CELF2: variants seen among roughly 807,000 people sequenced by gnomAD.
CELF2 encodes CUGBP Elav-like family member 2, also known as CUG triplet repeat RNA-binding protein 2.
CELF2 carries 8 observed loss-of-function variants against 62.6 expected under a neutral mutation model. The observed-to-expected ratio is 0.13, with a 90% CI of 0.07 to 0.23. The LOEUF (loss-of-function observed/expected upper bound fraction) is 0.23. Ranked by LOEUF, CELF2 falls within the 10% of genes least tolerant of loss-of-function variation. The pLI, the probability that CELF2 is intolerant of heterozygous loss-of-function variation, is 1.00. For synonymous variants in CELF2, 258 were observed against 250.0 expected (o/e 1.03, Z -0.30); for missense variants, 333 against 671.0 (o/e 0.50, Z 5.56).
the CELF2 span, among the ~76,000 whole-genome samples, chr10:10,590,161 G>GCACA: frequency 6.7e-6 from 1 of 150,054 alleles, no homozygotes; most frequent in Non-Finnish European, 1.5e-5. Context: ...ACATGTGCAT[G>GCACA]CACACACACA....
At chr10:10,549,880 C>T in the CELF2 span, among the ~76,000 whole-genome samples, 1 of 152,160 alleles carries the variant, frequency 6.6e-6, no homozygotes, top group Non-Finnish European at 1.5e-5. Context: ...TCTGAGATGA[C>T]TATTTGCATG....
chr10:10,514,109 A>G, the CELF2 span, among the ~76,000 whole-genome samples: 10,225 of 152,284 alleles, frequency 0.067, 572 homozygotes, highest in African/African-American at 0.15. Flanking sequence ...TGCTAAGCAC[A>G]CAGAACTCCT....
intron 9 of CELF2, among the ~76,000 whole-genome samples, chr10:11,295,511 TCTCTC>T (rs1178408056): frequency 4.6e-5 from 7 of 152,232 alleles, no homozygotes; most frequent in Admixed American, 4.6e-4. Flanking sequence ...GAAGCTCTCT[TCTCTC>T]CTTTCTTCCT....
intron 1 of CELF2, among the ~76,000 whole-genome samples, chr10:11,144,243 A>AG (rs2132374084): frequency 6.6e-6 from 1 of 152,168 alleles, no homozygotes; most frequent in African/African-American, 2.4e-5. Context: ...GTGAGTAAGA[A>AG]GGAAAAAAAA....
chr10:10,978,648 G>A (rs1439746978), intron 2 of CELF2, among the ~76,000 whole-genome samples: 1 of 152,116 alleles, frequency 6.6e-6, no homozygotes, highest in African/African-American at 2.4e-5. Context: ...TATTATAGGG[G>A]ACACTGAAGC....
intron 1 of CELF2, among the ~76,000 whole-genome samples, chr10:10,895,939 C>T (rs2062520912): frequency 6.6e-6 from 1 of 152,046 alleles, no homozygotes; most frequent in South Asian, 2.1e-4. Flanking sequence ...AAGAAGGAGG[C>T]TGGTAGACTC....
rs1350552196 is a variant in CELF2, at chr10:11,285,304, T to C, written c.842-3114T>C. Among the ~76,000 whole-genome samples the C allele has an allele frequency of 6.6e-6, 1 of 152,158 alleles. No individual in the cohort carries two copies. The highest frequency in any genetic ancestry group is 1.5e-5 in the Non-Finnish European group (1 of 68,010). ...TCTTCATCTCAGCTTCCTTGACTCA[T>C]AGTTTTTCCTTTCCTTGCAGTCTGG... On this transcript the variant is annotated intron_variant, in intron 8 of 12. Coordinates refer to ENST00000633077, the MANE Select transcript of CELF2 (RefSeq NM_001326342.2). This position sits in a 1 kb window ranked among gnomAD's most constrained non-coding sequence, Gnocchi z 4.3.
the CELF2 span, among the ~76,000 whole-genome samples, chr10:10,576,454 C>T: frequency 6.6e-6 from 1 of 151,976 alleles, no homozygotes; most frequent in Non-Finnish European, 1.5e-5. Context: ...ATGCTTCTAA[C>T]GTATTAGTTA....
At chr10:11,228,352 A>C (rs1051035002) in intron 3 of CELF2, among the ~76,000 whole-genome samples, 2 of 152,214 alleles carry the variant, frequency 1.3e-5, no homozygotes, top group Middle Eastern at 3.2e-3. Flanking sequence ...ATAAGGTAGT[A>C]ATTTGTCTTC....
intron 2 of CELF2, chr10:10,945,888 T>C (rs1246169649): frequency 6.6e-6 from 1 of 152,620 alleles, no homozygotes; most frequent in Middle Eastern, 3.4e-3. Flanking sequence ...CCTCAAACAA[T>C]ATGTTTCCAC....
chr10:10,698,713 T>C, the CELF2 span, among the ~76,000 whole-genome samples: 3 of 152,200 alleles, frequency 2.0e-5, no homozygotes, highest in Admixed American at 6.5e-5. Context: ...AGACTTCTCA[T>C]AGCGGTCATC....
chr10:11,023,977 A>G (rs1332522681), intron 1 of CELF2, among the ~76,000 whole-genome samples: 4 of 152,240 alleles, frequency 2.6e-5, no homozygotes, highest in African/African-American at 9.6e-5. Context: ...TATTTACTCC[A>G]TTTGAGTGAA....
chr10:11,326,711 C>G lies in CELF2; in HGVS notation c.1438+732C>G, dbSNP rs4747903. On this transcript the variant is annotated intron_variant, in intron 12 of 12. Coordinates refer to ENST00000633077, the MANE Select transcript of CELF2 (RefSeq NM_001326342.2). ...TTCATTTTTCAAACCCTATTGGCCC[C>G]CAAAGCAGTTTACAGGCCAGGATGT... Among the ~76,000 whole-genome samples the G allele has an allele frequency of 2.0e-3, 304 of 152,264 alleles. 11 individuals are homozygous for G. Among genetic ancestry groups the G allele is most frequent in the Admixed American group, 0.018 (271 of 15,296 alleles).
At chr10:11,100,835 G>GT (rs2051391276) in intron 1 of CELF2, among the ~76,000 whole-genome samples, 1 of 152,150 alleles carries the variant, frequency 6.6e-6, no homozygotes, top group Admixed American at 6.5e-5. Context: ...GTCAAGGGAG[G>GT]TCTCCCATAC....
rs554116880 is a variant in CELF2, at chr10:10,803,383, C to T, written c.53+4566C>T. ...CTCCCCACAGCTCACATTGCTCCAGCCCTGCTGGTCTTTCTCTTTCTCAGT... is the reference window on the plus strand; with the variant it reads ...CTCCCCACAGCTCACATTGCTCCAGTCCTGCTGGTCTTTCTCTTTCTCAGT... On this transcript the variant is annotated intron_variant, in intron 1 of 13. Coordinates refer to the CELF2 transcript ENST00000636488. Among the ~76,000 whole-genome samples the T allele has an allele frequency of 3.1e-4, 47 of 152,352 alleles. No homozygotes were observed. The South Asian group carries it at 8.5e-3, about 28-fold the overall frequency.
chr10:11,315,787 A>C lies in CELF2; in HGVS notation c.1096+1529A>C, dbSNP rs1467253272. Among the ~76,000 whole-genome samples, 1 of 152,074 alleles carries C rather than the reference A, an allele frequency of 6.6e-6. No homozygotes were observed. Among genetic ancestry groups the C allele is most frequent in the Non-Finnish European group, 1.5e-5 (1 of 68,008 alleles). On this transcript the variant is annotated intron_variant, in intron 10 of 12. Coordinates refer to ENST00000633077, the MANE Select transcript of CELF2 (RefSeq NM_001326342.2). This position sits in a 1 kb window ranked among gnomAD's most constrained non-coding sequence, Gnocchi z 5.8. ...TAGGAGCCTCACTGCCTTGACCCCC[A>C]TTTCCGGTACAGCTCCTCGCTCTGA...
chr10:10,908,939 A>G (rs2063574397), intron 1 of CELF2, among the ~76,000 whole-genome samples: 1 of 152,138 alleles, frequency 6.6e-6, no homozygotes, highest in South Asian at 2.1e-4. Flanking sequence ...GGCATGTGCC[A>G]CCATGCCAGG....
At chr10:10,590,484 A>G in the CELF2 span, among the ~76,000 whole-genome samples, 4,250 of 152,240 alleles carry the variant, frequency 0.028, 89 homozygotes, top group Middle Eastern at 0.061. Context: ...TTCAGTCCCA[A>G]ATTGAGAGTA....
At chr10:10,785,812 C>T in the CELF2 span, among the ~76,000 whole-genome samples, 1 of 152,146 alleles carries the variant, frequency 6.6e-6, no homozygotes, top group East Asian at 1.9e-4. Flanking sequence ...CATTGCACAA[C>T]ATGGTGACTA....
Sources: allele counts gnomAD v4.1 joint callset (sites outside exome capture counted in the v4.1 genomes callset), GRCh38; gene constraint gnomAD v4.1.1; non-coding constraint Gnocchi (gnomAD v3.1); transcripts MANE v1.5; gene names NCBI Gene and HGNC (gene_info 2026-07-23, HGNC 2026-07-21).